PCDHA1: variants seen among roughly 807,000 people sequenced by gnomAD.
PCDHA1 encodes protocadherin alpha 1.
A neutral mutation model predicts 61.3 loss-of-function variants in PCDHA1; 42 were observed. The ratio of observed to expected loss-of-function variants is 0.69; its 90% CI spans 0.54 to 0.89. PCDHA1 has a LOEUF of 0.89. PCDHA1 is among the 40% of genes least tolerant of loss of function. The pLI, the probability that PCDHA1 is intolerant of heterozygous loss-of-function variation, is 0.00. For missense variants in PCDHA1, 1,256 were observed against 1,235.3 expected (o/e 1.02, Z -0.25); for synonymous variants, 610 against 553.8 (o/e 1.10, Z -1.43).
chr5:140,894,569 C>CT (rs556288790), intron 1 of PCDHA1, among the ~76,000 whole-genome samples: 36 of 151,446 alleles, frequency 2.4e-4, no homozygotes, highest in African/African-American at 7.5e-4. Context: ...AATTATTTTC[C>CT]TTTTTTTTAA....
At chr5:140,967,613 G>C in intron 1 of PCDHA1, 1 of 1,614,182 alleles carries the variant, frequency 6.2e-7, no homozygotes, top group Non-Finnish European at 8.5e-7. Flanking sequence ...GAATGCCTCA[G>C]ACCCGGATGA....
chr5:140,949,664 A>T (rs2094409163), intron 1 of PCDHA1, among the ~76,000 whole-genome samples: 1 of 151,578 alleles, frequency 6.6e-6, no homozygotes, highest in African/African-American at 2.4e-5. Context: ...TTGTTTCTTT[A>T]AAGTATGCCC....
chr5:140,964,168 G>A (rs928554352), intron 1 of PCDHA1, among the ~76,000 whole-genome samples: 1 of 152,166 alleles, frequency 6.6e-6, no homozygotes, highest in Non-Finnish European at 1.5e-5. Flanking sequence ...TGTGAGGAAC[G>A]AAATCATTAT....
chr5:140,825,700 G>C (rs2150140795), intron 1 of PCDHA1: 6 of 152,272 alleles, frequency 3.9e-5, no homozygotes, highest in Admixed American at 2.6e-4. Flanking sequence ...GGGATTGCAG[G>C]CATGAGCCAT....
chr5:140,911,485 A>G (rs1387982810), intron 1 of PCDHA1, among the ~76,000 whole-genome samples: 1 of 152,152 alleles, frequency 6.6e-6, no homozygotes, highest in East Asian at 1.9e-4. Context: ...ACTCAGGGCA[A>G]TCTTAGCAGG....
intron 1 of PCDHA1, chr5:140,836,859 A>G: frequency 1.3e-6 from 1 of 776,996 alleles, no homozygotes. Flanking sequence ...ATTATTTTTT[A>G]ATGTTATGCT....
chr5:140,900,101 T>C (rs2067753417), intron 1 of PCDHA1, among the ~76,000 whole-genome samples: 1 of 152,180 alleles, frequency 6.6e-6, no homozygotes, highest in African/African-American at 2.4e-5. Flanking sequence ...TGCGCCACCA[T>C]ACCTGGCCTT....
intron 3 of PCDHA1, among the ~76,000 whole-genome samples, chr5:140,992,035 G>C (rs529236840): frequency 6.6e-6 from 1 of 151,988 alleles, no homozygotes; most frequent in South Asian, 2.1e-4. Flanking sequence ...GTGTGTGTGT[G>C]TGTGTGTGTG....
At chr5:140,845,354 C>A (rs2150378670) in intron 1 of PCDHA1, among the ~76,000 whole-genome samples, 4 of 149,532 alleles carry the variant, frequency 2.7e-5, no homozygotes, top group Non-Finnish European at 6.0e-5. Context: ...ATTTAATTGA[C>A]TTTTACAAAA....
chr5:140,968,203 G>A, intron 1 of PCDHA1: 5 of 1,614,018 alleles, frequency 3.1e-6, no homozygotes, highest in Non-Finnish European at 4.2e-6. Context: ...TCTACATACA[G>A]GAGAACAATT....
At chr5:140,921,131 C>T (rs532456439) in intron 1 of PCDHA1, among the ~76,000 whole-genome samples, 9 of 132,934 alleles carry the variant, frequency 6.8e-5, no homozygotes, top group Non-Finnish European at 1.1e-4. Context: ...CAGGTGCACA[C>T]CACTACACCC....
rs890605582 is a variant in PCDHA1 at position 140,851,133 on chromosome 5, T to C, written c.2394+62449T>C. Reference sequence around the variant, plus strand: ...GAATCAATTTTATTTAAATTTGTGATTAAAGTGACATTGAATTTCTGATGC... The same window carrying C: ...GAATCAATTTTATTTAAATTTGTGACTAAAGTGACATTGAATTTCTGATGC... On this transcript the variant is annotated intron_variant, in intron 1 of 3. Transcript: ENST00000504120. 54 of 1,314,072 alleles carry C rather than the reference T, an allele frequency of 4.1e-5. 3 individuals carry two copies. Among genetic ancestry groups the C allele is most frequent in the Non-Finnish European group, 5.2e-5 (53 of 1,014,404 alleles). 81.4% of individuals were successfully genotyped at this position (1,314,072 alleles called of 1,614,324 possible). A position where few individuals can be genotyped will look rare whatever the true frequency, so the allele number is the denominator to read the frequency against.
intron 1 of PCDHA1, chr5:140,809,604 C>A: frequency 6.6e-7 from 1 of 1,525,754 alleles, no homozygotes; most frequent in South Asian, 1.3e-5. Context: ...GTTTAATTTT[C>A]GTATTGTTTT....
chr5:140,989,237 A>C (rs2097333860), intron 3 of PCDHA1, among the ~76,000 whole-genome samples: 1 of 152,172 alleles, frequency 6.6e-6, no homozygotes, highest in African/African-American at 2.4e-5. Flanking sequence ...CTGAAGTTTT[A>C]AGCCCCTTGT....
At chr5:140,928,367 C>T (rs781897390) in intron 1 of PCDHA1, 1 of 1,614,170 alleles carries the variant, frequency 6.2e-7, no homozygotes, top group East Asian at 2.2e-5. Context: ...TCTGAAGGGC[C>T]ATCAGCCTCT....
chr5:140,852,974 G>T (rs1554146261), intron 1 of PCDHA1: 2 of 368,228 alleles, frequency 5.4e-6, no homozygotes, highest in East Asian at 1.6e-4. Context: ...CCCCTCCCGT[G>T]TTCACGCCAT....
intron 1 of PCDHA1, chr5:140,871,257 G>T (rs374337862): frequency 6.8e-6 from 11 of 1,613,808 alleles, no homozygotes; most frequent in Admixed American, 1.7e-5. Flanking sequence ...TGCTGTATAC[G>T]GCGCTGTGGT....
At chr5:140,848,733 C>T (rs2150418952) in intron 1 of PCDHA1, 1 of 1,592,812 alleles carries the variant, frequency 6.3e-7, no homozygotes, top group East Asian at 2.2e-5. Context: ...GGTAAATCTG[C>T]AGAATGGCAT....
intron 1 of PCDHA1, chr5:140,830,224 G>C (rs2150182996): frequency 6.2e-7 from 1 of 1,613,900 alleles, no homozygotes; most frequent in African/African-American, 1.3e-5. Context: ...CCAGCCTGCT[G>C]GTCCTCACGC....
Sources: allele counts gnomAD v4.1 joint callset (sites outside exome capture counted in the v4.1 genomes callset), GRCh38; gene constraint gnomAD v4.1.1; transcripts MANE v1.5; gene names NCBI Gene and HGNC (gene_info 2026-07-23, HGNC 2026-07-21).